IL7: variants seen among roughly 807,000 people sequenced by gnomAD.
IL7 encodes the protein interleukin-7.
IL7 carries 3 observed loss-of-function variants against 21.6 expected under a neutral mutation model. The observed-to-expected ratio is 0.14, with a 90% CI of 0.06 to 0.36. IL7 has a LOEUF of 0.36. Ranked by LOEUF, IL7 falls within the 10% of genes least tolerant of loss-of-function variation. IL7 has a pLI of 1.00. For missense variants in IL7, 175 were observed against 200.2 expected, an observed-to-expected ratio of 0.87 and a Z score of 0.76; for synonymous variants, 62 against 68.1, an observed-to-expected ratio of 0.91 and a Z score of 0.44.
chr8:78,754,640 T>A (rs1318000114), intron 2 of IL7, among the ~76,000 whole-genome samples: 1 of 152,328 alleles, frequency 6.6e-6, no homozygotes, highest in East Asian at 1.9e-4. Flanking sequence ...CTTCAAACTA[T>A]GCTACAAGGC....
intron 3 of IL7, chr8:78,686,673 A>T: frequency 7.3e-7 from 1 of 1,375,412 alleles, no homozygotes; most frequent in Non-Finnish European, 9.5e-7. Flanking sequence ...GTTTTTATAA[A>T]TTTTCACTTG....
At chr8:78,768,574 G>T (rs1398125135) in intron 2 of IL7, among the ~76,000 whole-genome samples, 1 of 151,006 alleles carries the variant, frequency 6.6e-6, no homozygotes, top group Non-Finnish European at 1.5e-5. Context: ...GTCTTCTTTT[G>T]AGAAGTGTCT....
intron 3 of IL7, chr8:78,689,504 A>G (rs1810139772): frequency 7.4e-6 from 6 of 810,558 alleles, no homozygotes; most frequent in African/African-American, 5.4e-5. Context: ...AGTTTTATAT[A>G]TCTATAAAAG....
At chr8:78,785,812 T>C (rs1380396397) in intron 2 of IL7, among the ~76,000 whole-genome samples, 1 of 152,226 alleles carries the variant, frequency 6.6e-6, no homozygotes, top group African/African-American at 2.4e-5. Context: ...TTCTCACTTA[T>C]CACAGTCACT....
At chr8:78,696,300 C>T (rs994547456) in intron 3 of IL7, among the ~76,000 whole-genome samples, 1 of 152,176 alleles carries the variant, frequency 6.6e-6, no homozygotes, top group Admixed American at 6.5e-5. Context: ...TTCCAAAGTG[C>T]TGGGATTACA....
Position 78,697,701 on chromosome 8 carries a change from C to T in IL7, n.215-11754G>A, listed in dbSNP as rs150249335. Among the ~76,000 whole-genome samples, 848 of 140,368 alleles carry T rather than the reference C, an allele frequency of 6.0e-3. 8 individuals are homozygous for T. Among genetic ancestry groups the T allele is most frequent in the African/African-American group, 0.021 (791 of 37,516 alleles). 92.1% of individuals were successfully genotyped at this position (140,368 alleles called of 152,430 possible). A position where few individuals can be genotyped will look rare whatever the true frequency, so the allele number is the denominator to read the frequency against. ...TTTAACCTTTTTTTTTTTTTTTTGA[C>T]GGAGTCTTGCTCTGTTGCCCAGGTT... is the stretch of plus-strand genomic sequence containing the variant. On this transcript the variant is annotated intron_variant and non_coding_transcript_variant, in intron 3 of 4. Coordinates refer to the IL7 transcript ENST00000523959.
intron 2 of IL7, chr8:78,761,547 T>A: frequency 6.2e-7 from 1 of 1,611,914 alleles, no homozygotes. Flanking sequence ...AGGAAGCCTA[T>A]AAATTCCTCT....
At chr8:78,726,209 T>C (rs1035552806) in intron 3 of IL7, among the ~76,000 whole-genome samples, 4 of 152,026 alleles carry the variant, frequency 2.6e-5, no homozygotes, top group Admixed American at 6.6e-5. Flanking sequence ...TTATTGTATA[T>C]CTTTTTTGTT....
downstream of IL7, among the ~76,000 whole-genome samples, chr8:78,717,042 C>T (rs576532651): frequency 3.3e-4 from 50 of 152,134 alleles, no homozygotes; most frequent in African/African-American, 1.2e-3. Flanking sequence ...TATAAATTAC[C>T]CAGTCTCAGG....
chr8:78,736,171 A>G (rs987877434), intron 5 of IL7, among the ~76,000 whole-genome samples: 3 of 151,266 alleles, frequency 2.0e-5, no homozygotes, highest in Non-Finnish European at 4.4e-5. Flanking sequence ...TTTCTCCTAT[A>G]TAAATTATTT....
rs1419669138 is a variant in IL7, at chr8:78,738,622, A to G, written c.242T>C (p.Leu81Ser). ...ICDANKEGMFLFRAARKLRQF... is the reference protein window; with the variant it reads ...ICDANKEGMFSFRAARKLRQF... The stretch of plus-strand genomic sequence containing the variant: ...CCTCAACTTGCGAGCAGCACGGAAT[A>G]AAAACATACCTTCCTATTATAGGAA... The change falls in exon 4 of 6, where the codon TTA becomes TCA. Residue 81 changes from leucine to serine, a missense_variant. Physicochemically the swap from Leu to Ser is moderately radical, Grantham distance 145 (BLOSUM62 -2). Transcript: ENST00000263851. 6.2e-7 allele frequency: 1 copy of G among 1,613,380 alleles called. No individual in the cohort carries two copies. Among genetic ancestry groups the G allele is most frequent in the Non-Finnish European group, 8.5e-7 (1 of 1,179,658 alleles).
intron 2 of IL7, among the ~76,000 whole-genome samples, chr8:78,792,536 T>C: frequency 6.6e-6 from 1 of 151,996 alleles, no homozygotes; most frequent in East Asian, 1.9e-4. Flanking sequence ...AGGTCTAAGA[T>C]CCAGAGCATA....
At chr8:78,795,417 C>T (rs1012448959) in intron 2 of IL7, among the ~76,000 whole-genome samples, 1 of 152,008 alleles carries the variant, frequency 6.6e-6, no homozygotes, top group South Asian at 2.1e-4. Flanking sequence ...TAGCTGTGTT[C>T]TCTTCCATGT....
intron 3 of IL7, among the ~76,000 whole-genome samples, chr8:78,691,267 A>C (rs1810202944): frequency 7.1e-6 from 1 of 141,480 alleles, no homozygotes; most frequent in Non-Finnish European, 1.5e-5. Context: ...GCCAGCTTTT[A>C]ATTCAAAATT....
At chr8:78,697,043 T>C (rs1372105314) in intron 3 of IL7, among the ~76,000 whole-genome samples, 3 of 152,320 alleles carry the variant, frequency 2.0e-5, no homozygotes, top group Admixed American at 2.0e-4. Context: ...GGGAGTCTAG[T>C]TTGGAAAACC....
At chr8:78,765,151 C>G (rs1812716291) in intron 2 of IL7, among the ~76,000 whole-genome samples, 1 of 152,108 alleles carries the variant, frequency 6.6e-6, no homozygotes, top group African/African-American at 2.4e-5. Context: ...AATCTAGACA[C>G]AGACCTTGAA....
chr8:78,702,096 G>C (rs1165464620), intron 3 of IL7, among the ~76,000 whole-genome samples: 2 of 152,044 alleles, frequency 1.3e-5, no homozygotes, highest in African/African-American at 4.8e-5. Flanking sequence ...AATCCATCTG[G>C]TCCTGGGCTT....
At chr8:78,734,394 G>A (rs1264572626) in intron 5 of IL7, among the ~76,000 whole-genome samples, 1 of 152,108 alleles carries the variant, frequency 6.6e-6, no homozygotes, top group Non-Finnish European at 1.5e-5. Context: ...GAGATACTTG[G>A]CATGAACAGA....
At chr8:78,782,094 T>C (rs1474137358) in intron 2 of IL7, among the ~76,000 whole-genome samples, 3 of 152,216 alleles carry the variant, frequency 2.0e-5, no homozygotes, top group Non-Finnish European at 2.9e-5. Flanking sequence ...CTAAACATTA[T>C]TCTGGTTAAC....
Sources: gnomAD v4.1 joint callset for allele counts (sites outside exome capture counted in the v4.1 genomes callset) on GRCh38, gnomAD v4.1.1 for gene constraint, MANE v1.5 for transcripts, NCBI Gene and HGNC (gene_info 2026-07-23, HGNC 2026-07-21) for gene names.